MRPS31: variants seen among roughly 807,000 people sequenced by gnomAD.
MRPS31 encodes mitochondrial ribosomal protein S31.
In MRPS31, 32 loss-of-function variants were observed where a neutral mutation model predicts 43.1. The observed-to-expected ratio is 0.74, with a 90% CI of 0.56 to 1.00. MRPS31 has a LOEUF of 1.00. MRPS31 is among the 50% of genes least tolerant of loss of function. The probability of loss-of-function intolerance (pLI) is 0.00; values close to 1 mark genes in which losing one functional copy is unlikely to be tolerated. For synonymous variants in MRPS31, 165 were observed against 161.6 expected (o/e 1.02, Z -0.16); for missense variants, 437 against 466.7 (o/e 0.94, Z 0.59).
chr13:40,747,449 A>C (rs186651335), intron 6 of MRPS31, among the ~76,000 whole-genome samples: 118 of 152,332 alleles, frequency 7.7e-4, no homozygotes, highest in African/African-American at 2.8e-3. Flanking sequence ...GCTGCTACTC[A>C]GGTTTGTACG....
intron 2 of MRPS31, 43 bp from the exon 3 acceptor site, chr13:40,759,149 A>G: frequency 6.7e-7 from 1 of 1,492,692 alleles, no homozygotes; most frequent in Non-Finnish European, 9.0e-7. Flanking sequence ...AAAAAAAAAG[A>G]GAGATTGGCC....
At chr13:40,735,444 C>A (rs1879864642) in intron 6 of MRPS31, among the ~76,000 whole-genome samples, 1 of 152,174 alleles carries the variant, frequency 6.6e-6, no homozygotes, top group South Asian at 2.1e-4. Context: ...TCAAGGAGGC[C>A]TGCCTGCCTC....
rs140641904 is a variant in MRPS31 at position 40,732,314 on chromosome 13, TAAAC to T, written c.959-2717_959-2714del. Among the ~76,000 whole-genome samples the T allele has an allele frequency of 5.9e-3, 903 of 152,322 alleles. 8 individuals carry two copies. The highest frequency in any genetic ancestry group is 0.021 in the African/African-American group (868 of 41,578). ...CTTTTCATGGCCTTCCTCTCAAGTA[TAAAC>T]AAACATTCAAAGAACAGTAGACATT... On this transcript the variant is annotated intron_variant, in intron 6 of 6. Coordinates refer to ENST00000323563, the MANE Select transcript of MRPS31 (RefSeq NM_005830.4).
At chr13:40,733,747 T>C (rs1879781756) in intron 6 of MRPS31, among the ~76,000 whole-genome samples, 1 of 152,012 alleles carries the variant, frequency 6.6e-6, no homozygotes, top group Non-Finnish European at 1.5e-5. Context: ...GCGAGTGGAT[T>C]GCTTATTAAG....
At chr13:40,770,955 G>A (rs777568545) in intron 1 of MRPS31, 30 bp downstream of exon 1, 50 of 1,613,812 alleles carry the variant, frequency 3.1e-5, no homozygotes, top group African/African-American at 4.0e-5. Context: ...GGATGTACAG[G>A]ACGGGGCACG....
intron 5 of MRPS31, among the ~76,000 whole-genome samples, chr13:40,750,705 T>C (rs1325493641): frequency 2.0e-5 from 3 of 148,062 alleles, no homozygotes; most frequent in Non-Finnish European, 4.5e-5. Flanking sequence ...TTTGGTAATC[T>C]ACTTTTTTCA....
chr13:40,771,181 TC>T lies in MRPS31; in HGVS notation c.-46del. 6.5e-7 allele frequency: 1 copy of T among 1,542,702 alleles called. No individual in the cohort carries two copies. Among genetic ancestry groups the T allele is most frequent in the South Asian group, 1.2e-5 (1 of 81,764 alleles). On this transcript the variant is annotated 5_prime_UTR_variant, in exon 1 of 7. Transcript: ENST00000323563. ...CCAAGAACACAACTGAAATGGTGCGTCCCGCTGCCAAACACGTCCCCGCCCT... is the reference window on the plus strand; with the variant it reads ...CCAAGAACACAACTGAAATGGTGCGTCCGCTGCCAAACACGTCCCCGCCCT...
chr13:40,734,829 G>C (rs577170956), intron 6 of MRPS31, among the ~76,000 whole-genome samples: 3 of 152,230 alleles, frequency 2.0e-5, no homozygotes, highest in African/African-American at 7.2e-5. Context: ...CCAGGAATTC[G>C]AGGTTGCAGT....
Position 40,749,190 on chromosome 13 carries a change from G to A in MRPS31, c.906C>T (p.Ile302=). The change falls in exon 6 of 7, where the codon ATC becomes ATT. Residue 302 remains isoleucine (I), a synonymous_variant. Coordinates refer to ENST00000323563, the MANE Select transcript of MRPS31 (RefSeq NM_005830.4). ...QPLQNGFEEL[I]QWTKEGKLWE... ...ATAGTTTCCCCTCTTTTGTCCACTG[G>A]ATCAGCTCTTCAAATCCATTCTGAA... 6.2e-7 allele frequency: 1 copy of A among 1,601,578 alleles called. No homozygotes were observed. The highest frequency in any genetic ancestry group is 8.5e-7 in the Non-Finnish European group (1 of 1,177,366).
At chr13:40,743,131 G>C (rs1295674424) in intron 6 of MRPS31, among the ~76,000 whole-genome samples, 1 of 152,034 alleles carries the variant, frequency 6.6e-6, no homozygotes, top group Non-Finnish European at 1.5e-5. Flanking sequence ...GGCCAACATG[G>C]TAAAACCCTG....
chr13:40,769,962 T>C (rs966839335), intron 1 of MRPS31, among the ~76,000 whole-genome samples: 2 of 152,242 alleles, frequency 1.3e-5, no homozygotes, highest in Non-Finnish European at 2.9e-5. Flanking sequence ...AGACTGACTT[T>C]CCATTTTTCA....
At chr13:40,747,417 G>A (rs1880269747) in intron 6 of MRPS31, among the ~76,000 whole-genome samples, 1 of 152,066 alleles carries the variant, frequency 6.6e-6, no homozygotes, top group Non-Finnish European at 1.5e-5. Flanking sequence ...TTCCTCAAAG[G>A]CAAATGGCTA....
chr13:40,749,123 G>A lies in MRPS31; in HGVS notation c.958+15C>T. The A allele has an allele frequency of 6.3e-7, 1 of 1,582,304 alleles. No individual in the cohort carries two copies. Among genetic ancestry groups the A allele is most frequent in the Non-Finnish European group, 8.5e-7 (1 of 1,171,268 alleles). The stretch of plus-strand genomic sequence containing the variant: ...CAATCAATACGTTTTATAATCCCCT[G>A]AAATTAACACTTACCTGCTTCATTG... On this transcript the variant is annotated intron_variant, in intron 6 of 6. Transcript: ENST00000323563.
intron 1 of MRPS31, 28 bp from the exon 2 acceptor site, chr13:40,767,061 G>T (rs756699969): frequency 4.5e-6 from 7 of 1,557,868 alleles, no homozygotes; most frequent in Non-Finnish European, 5.2e-6. Flanking sequence ...AGAAAAAAAT[G>T]AAAAATACAA....
chr13:40,762,577 G>C (rs1880727946), intron 2 of MRPS31, among the ~76,000 whole-genome samples: 1 of 151,662 alleles, frequency 6.6e-6, no homozygotes, highest in South Asian at 2.1e-4. Flanking sequence ...GGGACTACAG[G>C]TGCATGCCAT....
chr13:40,748,972 T>C (rs1289470175), intron 6 of MRPS31, among the ~76,000 whole-genome samples, 166 bp downstream of exon 6: 1 of 152,216 alleles, frequency 6.6e-6, no homozygotes, highest in Admixed American at 6.5e-5. Context: ...ATAAGTGAAA[T>C]TCCAACATCT....
rs140654309 is a variant in MRPS31 at position 40,744,002 on chromosome 13, A to G, written c.958+5136T>C. On this transcript the variant is annotated intron_variant, in intron 6 of 6. Transcript: ENST00000323563. ...AAAGAAAATGGGGTACATACACACC[A>G]TGGGATACTATGCAGCTATAAAAAT... Among the ~76,000 whole-genome samples the G allele has an allele frequency of 2.7e-3, 412 of 152,330 alleles. 2 individuals carry two copies. Among genetic ancestry groups the G allele is most frequent in the African/African-American group, 9.5e-3 (396 of 41,574 alleles).
chr13:40,739,400 G>A (rs1435369236), intron 6 of MRPS31, among the ~76,000 whole-genome samples: 2 of 152,092 alleles, frequency 1.3e-5, no homozygotes, highest in Non-Finnish European at 2.9e-5. Context: ...TCCCCATCAA[G>A]CTACCAATGA....
At chr13:40,766,426 T>C (rs1880848141) in intron 2 of MRPS31, among the ~76,000 whole-genome samples, 1 of 152,184 alleles carries the variant, frequency 6.6e-6, no homozygotes, top group Non-Finnish European at 1.5e-5. Flanking sequence ...CCCAAGTTGC[T>C]GGGATTACAA....
Sources: allele counts gnomAD v4.1 joint callset (sites outside exome capture counted in the v4.1 genomes callset), GRCh38; gene constraint gnomAD v4.1.1; transcripts MANE v1.5; gene names NCBI Gene and HGNC (gene_info 2026-07-23, HGNC 2026-07-21).